Variants in CCDC15 observed in about 807,000 individuals in gnomAD.
CCDC15 encodes the protein coiled-coil domain-containing protein 15.
CCDC15 carries 105 observed loss-of-function variants against 114.5 expected under a neutral mutation model. The ratio of observed to expected loss-of-function variants is 0.92; its 90% confidence interval spans 0.78 to 1.08. The LOEUF (loss-of-function observed/expected upper bound fraction) is 1.08. Among genes scored for constraint, CCDC15 ranks in the 50% least tolerant of loss-of-function variants. The pLI, the probability that CCDC15 is intolerant of heterozygous loss-of-function variation, is 0.00. For synonymous variants in CCDC15, 334 were observed against 377.8 expected, an observed-to-expected ratio of 0.88 and a Z score of 1.34; for missense variants, 1,105 against 1,093.6, an observed-to-expected ratio of 1.01 and a Z score of -0.15.
At chr11:125,032,838 A>G (rs1286212142) in intron 13 of CCDC15, among the ~76,000 whole-genome samples, 1 of 152,158 alleles carries the variant, frequency 6.6e-6, no homozygotes, top group Admixed American at 6.5e-5. Context: ...AACTCCATTA[A>G]TTACCTCACC....
rs768146970 is a variant in CCDC15, at chr11:125,005,149, A to T, written c.2348A>T (p.Asp783Val). The stretch of plus-strand genomic sequence containing the variant: ...CTGAGACATAGACGACTTTTCATGG[A>T]TATTGAGAGAGAACAAGTTAAAGAA... ...QYLRHRRLFMDIEREQVKEQQ... is the reference protein window; with the variant it reads ...QYLRHRRLFMVIEREQVKEQQ... Residue 783 changes from aspartate (D) to valine (V), a missense_variant, in exon 13 of 16, where the codon GAT (aspartate) becomes GTT (valine). Asp to Val is a radical substitution (Grantham distance 152). Coordinates refer to ENST00000344762, the MANE Select transcript of CCDC15 (RefSeq NM_025004.3). 7 of 1,571,898 alleles carry T rather than the reference A, an allele frequency of 4.5e-6. No individual in the cohort carries two copies. The highest frequency in any genetic ancestry group is 6.1e-6 in the Non-Finnish European group (7 of 1,155,358).
At chr11:124,995,588 A>G (rs1244524061) in intron 11 of CCDC15, among the ~76,000 whole-genome samples, 1 of 152,164 alleles carries the variant, frequency 6.6e-6, no homozygotes, top group Non-Finnish European at 1.5e-5. Context: ...AATATCAAAG[A>G]TACAGTTGTG....
chr11:125,014,166 A>G (rs1159672904), intron 13 of CCDC15, among the ~76,000 whole-genome samples: 1 of 152,190 alleles, frequency 6.6e-6, no homozygotes, highest in Non-Finnish European at 1.5e-5. Flanking sequence ...GAGAGCATAC[A>G]CTAAGAACAT....
chr11:124,972,104 G>A (rs1279421737), intron 4 of CCDC15, among the ~76,000 whole-genome samples: 1 of 151,918 alleles, frequency 6.6e-6, no homozygotes, highest in Non-Finnish European at 1.5e-5. Context: ...TGTTTTATCT[G>A]GAGTTATATT....
At chr11:124,988,802 C>A (rs1184525228) in intron 8 of CCDC15, among the ~76,000 whole-genome samples, 3 of 152,222 alleles carry the variant, frequency 2.0e-5, no homozygotes, top group Non-Finnish European at 4.4e-5. Context: ...AGAAGTAACT[C>A]CTTATCCATT....
At chr11:124,957,144 A>G (rs1340028456) in intron 2 of CCDC15, among the ~76,000 whole-genome samples, 1 of 152,252 alleles carries the variant, frequency 6.6e-6, no homozygotes, top group Admixed American at 6.5e-5. Flanking sequence ...TGTAACAGGA[A>G]TTTGAGCAGG....
intron 4 of CCDC15, among the ~76,000 whole-genome samples, chr11:124,968,840 C>T (rs772697170): frequency 4.6e-5 from 7 of 152,170 alleles, no homozygotes; most frequent in Non-Finnish European, 8.8e-5. Context: ...CATCTAATTC[C>T]TGCCACAACA....
intron 13 of CCDC15, chr11:125,037,416 A>G (rs968625570): frequency 1.3e-5 from 2 of 152,190 alleles, no homozygotes; most frequent in African/African-American, 2.4e-5. Flanking sequence ...GCCTCAGGTT[A>G]TTTCATTGCA....
chr11:124,986,706 C>G, intron 6 of CCDC15, 36 bp from the exon 7 acceptor site: 1 of 1,386,140 alleles, frequency 7.2e-7, no homozygotes, highest in Non-Finnish European at 9.6e-7. Flanking sequence ...TGTGTGCGCG[C>G]GCGCGCGTGC....
intron 13 of CCDC15, among the ~76,000 whole-genome samples, chr11:125,015,151 T>TA (rs1176098339): frequency 6.6e-6 from 1 of 152,032 alleles, no homozygotes; most frequent in African/African-American, 2.4e-5. Context: ...ACAATTAATA[T>TA]AAAATTAAAA....
chr11:125,013,480 G>A (rs1948609297), intron 13 of CCDC15, among the ~76,000 whole-genome samples: 1 of 152,194 alleles, frequency 6.6e-6, no homozygotes, highest in South Asian at 2.1e-4. Context: ...GCAGAGTCCA[G>A]TTAAGAAGTT....
At chr11:124,968,180 T>C (rs1048200233) in intron 4 of CCDC15, among the ~76,000 whole-genome samples, 1 of 152,220 alleles carries the variant, frequency 6.6e-6, no homozygotes, top group Non-Finnish European at 1.5e-5. Flanking sequence ...ACCACTGCTC[T>C]CTTCAGAGCT....
chr11:124,960,392 A>T (rs1947639966), intron 4 of CCDC15, among the ~76,000 whole-genome samples: 1 of 151,984 alleles, frequency 6.6e-6, no homozygotes, highest in African/African-American at 2.4e-5. Flanking sequence ...ACCTATTAGA[A>T]AGCACTTTAG....
intron 2 of CCDC15, 120 bp from the exon 3 acceptor site, chr11:124,958,995 A>G (rs1027275447): frequency 3.7e-5 from 22 of 594,818 alleles, no homozygotes; most frequent in Non-Finnish European, 1.1e-5. Flanking sequence ...TTTTTTTTGT[A>G]CAGAATGGAA....
At chr11:124,986,707 G>GCGCGCA (rs1565366450) in intron 6 of CCDC15, 35 bp from the exon 7 acceptor site, 2 of 1,440,746 alleles carry the variant, frequency 1.4e-6, no homozygotes, top group East Asian at 2.5e-5. Flanking sequence ...GTGTGCGCGC[G>GCGCGCA]CGCGCGTGCG....
At chr11:125,005,761 C>T (rs1948547197) in intron 13 of CCDC15, among the ~76,000 whole-genome samples, 2 of 152,234 alleles carry the variant, frequency 1.3e-5, no homozygotes, top group East Asian at 1.9e-4. Context: ...TCTCTACTGT[C>T]TCCATGGTTT....
intron 4 of CCDC15, among the ~76,000 whole-genome samples, chr11:124,971,062 G>A (rs542072549): frequency 4.6e-5 from 7 of 152,140 alleles, no homozygotes; most frequent in Non-Finnish European, 4.4e-5. Context: ...GGAGGAAGTT[G>A]CCTAAGGCCG....
intron 4 of CCDC15, among the ~76,000 whole-genome samples, chr11:124,963,077 C>T (rs1161984222): frequency 6.6e-6 from 1 of 152,146 alleles, no homozygotes; most frequent in Non-Finnish European, 1.5e-5. Context: ...GGTTCCAAGC[C>T]TTTGCTATTG....
At chr11:124,976,769 G>A (rs969443574) in intron 5 of CCDC15, among the ~76,000 whole-genome samples, 2 of 152,096 alleles carry the variant, frequency 1.3e-5, no homozygotes, top group Admixed American at 1.3e-4. Context: ...GGAGGATTAA[G>A]TCTGAGATAA....
Sources: gnomAD v4.1 joint callset for allele counts (sites outside exome capture counted in the v4.1 genomes callset) on GRCh38, gnomAD v4.1.1 for gene constraint, MANE v1.5 for transcripts, NCBI Gene and HGNC (gene_info 2026-07-23, HGNC 2026-07-21) for gene names.